ASPRV1: variants seen among roughly 807,000 people sequenced by gnomAD.
The protein encoded by ASPRV1 is aspartic peptidase retroviral like 1, also known as retroviral-like aspartic protease 1.
Under a neutral mutation model 11.0 loss-of-function variants are expected in ASPRV1, and 7 were observed. The observed-to-expected ratio is 0.64, with a 90% confidence interval of 0.36 to 1.20. The LOEUF (loss-of-function observed/expected upper bound fraction) is 1.20. Among genes scored for constraint, ASPRV1 ranks in the 50% most tolerant of loss-of-function variants. ASPRV1 has a pLI of 0.02. For synonymous variants in ASPRV1, 136 were observed against 138.4 expected (o/e 0.98, Z 0.12); for missense variants, 299 against 320.0 (o/e 0.93, Z 0.50).
chr2:69,971,029 T>C, the ASPRV1 span: 2 of 152,116 alleles, frequency 1.3e-5, no homozygotes, highest in African/African-American at 2.4e-5. Flanking sequence ...TTGCCAAGTG[T>C]GGTGGTGGGC....
the ASPRV1 span, chr2:70,086,373 G>A: frequency 2.0e-5 from 3 of 152,268 alleles, no homozygotes; most frequent in African/African-American, 4.8e-5. Context: ...GTTGCGCACG[G>A]GGCCCTTTCT....
At chr2:70,002,451 C>G in the ASPRV1 span, among the ~76,000 whole-genome samples, 1 of 152,162 alleles carries the variant, frequency 6.6e-6, no homozygotes, top group African/African-American at 2.4e-5. Context: ...CCCAAGATCT[C>G]GTGGGCTGGC....
chr2:70,056,778 G>A, the ASPRV1 span, among the ~76,000 whole-genome samples: 1 of 151,552 alleles, frequency 6.6e-6, no homozygotes, highest in Non-Finnish European at 1.5e-5. Context: ...ACACAGGCTG[G>A]AGTGCAGTGG....
downstream of ASPRV1, among the ~76,000 whole-genome samples, chr2:69,955,377 C>A (rs1323199509): frequency 6.6e-6 from 1 of 152,238 alleles, no homozygotes; most frequent in East Asian, 1.9e-4. Context: ...GCACTCCCTG[C>A]ACACCTGGGA....
chr2:70,069,050 T>C, the ASPRV1 span: 14 of 151,698 alleles, frequency 9.2e-5, no homozygotes, highest in African/African-American at 3.1e-4. Flanking sequence ...CAACTTTCTA[T>C]AGATGAAAGA....
At chr2:69,952,542 G>C in the ASPRV1 span, among the ~76,000 whole-genome samples, 4 of 145,880 alleles carry the variant, frequency 2.7e-5, no homozygotes, top group African/African-American at 1.0e-4. Context: ...GAAAAGAAAA[G>C]GGAAGGGAAA....
chr2:70,001,620 C>T, the ASPRV1 span, among the ~76,000 whole-genome samples: 1 of 152,070 alleles, frequency 6.6e-6, no homozygotes, highest in African/African-American at 2.4e-5. Flanking sequence ...ATTAGCCAGG[C>T]ATGGTGGCAC....
At chr2:70,062,490 G>T in the ASPRV1 span, among the ~76,000 whole-genome samples, 23,101 of 152,042 alleles carry the variant, frequency 0.15, 2,724 homozygotes, top group East Asian at 0.3. Context: ...ACCCTCATGG[G>T]TAATTCTGAT....
the ASPRV1 span, among the ~76,000 whole-genome samples, chr2:70,024,264 G>C: frequency 6.6e-6 from 1 of 152,070 alleles, no homozygotes; most frequent in African/African-American, 2.4e-5. Flanking sequence ...GAATAGTTTG[G>C]GTAATACTTA....
chr2:70,065,348 G>A, the ASPRV1 span, among the ~76,000 whole-genome samples: 2 of 124,536 alleles, frequency 1.6e-5, no homozygotes, highest in African/African-American at 6.3e-5. Flanking sequence ...CCGAGATGGC[G>A]CTACTACACT....
At chr2:70,080,359 T>A in the ASPRV1 span, among the ~76,000 whole-genome samples, 1 of 152,064 alleles carries the variant, frequency 6.6e-6, no homozygotes, top group Non-Finnish European at 1.5e-5. Context: ...CCCAAGTAGC[T>A]GGGATTGTAG....
At chr2:69,952,791 T>C in the ASPRV1 span, among the ~76,000 whole-genome samples, 7 of 152,166 alleles carry the variant, frequency 4.6e-5, no homozygotes, top group African/African-American at 1.7e-4. Context: ...CCCTGGAAGA[T>C]GTGACAACCA....
the ASPRV1 span, among the ~76,000 whole-genome samples, chr2:69,979,839 A>G: frequency 2.6e-5 from 4 of 152,284 alleles, no homozygotes; most frequent in Admixed American, 1.3e-4. Flanking sequence ...TCTCCATACG[A>G]GGCACTGCTC....
chr2:69,955,217 C>A (rs1677911623), downstream of ASPRV1, among the ~76,000 whole-genome samples: 1 of 151,754 alleles, frequency 6.6e-6, no homozygotes, highest in South Asian at 2.1e-4. Flanking sequence ...GTGGGCAGAC[C>A]AGGTCACCTC....
At chr2:70,008,870 C>T in the ASPRV1 span, among the ~76,000 whole-genome samples, 6 of 152,094 alleles carry the variant, frequency 3.9e-5, no homozygotes, top group Non-Finnish European at 8.8e-5. Flanking sequence ...CTTCTTCCAT[C>T]GTTTCCAGTC....
the ASPRV1 span, among the ~76,000 whole-genome samples, chr2:70,011,402 G>A: frequency 6.6e-6 from 1 of 152,170 alleles, no homozygotes; most frequent in East Asian, 1.9e-4. Flanking sequence ...AGGGATGAGC[G>A]CCTGAGCTGA....
the ASPRV1 span, among the ~76,000 whole-genome samples, chr2:69,979,686 T>C: frequency 6.6e-6 from 1 of 152,198 alleles, no homozygotes; most frequent in African/African-American, 2.4e-5. Context: ...TCCTGGATTC[T>C]TGGGTGACCC....
At chr2:69,944,417 C>T in the ASPRV1 span, among the ~76,000 whole-genome samples, 6 of 152,192 alleles carry the variant, frequency 3.9e-5, no homozygotes, top group East Asian at 9.6e-4. Context: ...GCAGGGCCTC[C>T]GTGAACCTTC....
the ASPRV1 span, chr2:69,993,599 T>G: frequency 7.9e-5 from 12 of 152,218 alleles, no homozygotes; most frequent in African/African-American, 2.9e-4. Context: ...CCAGAGTCAC[T>G]GAGGTTCCCA....
Sources: gnomAD v4.1 joint callset for allele counts (sites outside exome capture counted in the v4.1 genomes callset) on GRCh38, gnomAD v4.1.1 for gene constraint, MANE v1.5 for transcripts, NCBI Gene and HGNC (gene_info 2026-07-23, HGNC 2026-07-21) for gene names.